DLG2: variants seen among roughly 807,000 people sequenced by gnomAD.
DLG2 encodes discs large MAGUK scaffold protein 2.
DLG2 carries 45 observed loss-of-function variants against 132.5 expected under a neutral mutation model. The observed-to-expected ratio is 0.34, with a 90% CI of 0.27 to 0.44. DLG2 has a LOEUF of 0.44. Ranked by LOEUF, DLG2 falls within the 20% of genes least tolerant of loss-of-function variation. The pLI, the probability that DLG2 is intolerant of heterozygous loss-of-function variation, is 1.00. For missense variants in DLG2, 1,045 were observed against 1,196.9 expected, an observed-to-expected ratio of 0.87 and a Z score of 1.87; for synonymous variants, 424 against 419.6, an observed-to-expected ratio of 1.01 and a Z score of -0.13.
chr11:84,914,003 G>C (rs2092295163), intron 6 of DLG2, among the ~76,000 whole-genome samples: 1 of 152,120 alleles, frequency 6.6e-6, no homozygotes, highest in Admixed American at 6.5e-5. Context: ...CTTTGGGCCA[G>C]TTTCCTCTTC....
At chr11:84,323,493 A>G (rs1449300120) in intron 7 of DLG2, among the ~76,000 whole-genome samples, 3 of 152,180 alleles carry the variant, frequency 2.0e-5, no homozygotes, top group African/African-American at 7.2e-5. Context: ...AATAATGCTC[A>G]ATGAACATGA....
intron 3 of DLG2, among the ~76,000 whole-genome samples, chr11:85,343,726 T>C (rs2082652489): frequency 2.0e-5 from 3 of 152,194 alleles, no homozygotes; most frequent in South Asian, 4.1e-4. Context: ...AAGAGAGTGA[T>C]GATGTATGGT....
At chr11:85,076,968 T>G (rs554844091) in intron 6 of DLG2, among the ~76,000 whole-genome samples, 3 of 152,156 alleles carry the variant, frequency 2.0e-5, no homozygotes, top group Non-Finnish European at 4.4e-5. Flanking sequence ...TACATATATT[T>G]ATTTAGTGTT....
rs185363889 is a variant in DLG2, at chr11:85,423,673, G to T, written c.41-138308C>A. On this transcript the variant is annotated intron_variant, in intron 3 of 27. Transcript: ENST00000376104. Reference sequence around the variant, plus strand: ...TTATGTTCCTAGGAGGATTATGACTGTCTCTACTGTGCTATGCAGGTTGTC... The same window carrying T: ...TTATGTTCCTAGGAGGATTATGACTTTCTCTACTGTGCTATGCAGGTTGTC... 1.3e-4 allele frequency among the ~76,000 whole-genome samples: 20 copies of T among 152,234 alleles called. 1 individual carries two copies. Among genetic ancestry groups the T allele is most frequent in the African/African-American group, 4.1e-4 (17 of 41,546 alleles).
At chr11:85,122,918 A>T (rs1292742433) in intron 5 of DLG2, among the ~76,000 whole-genome samples, 1 of 131,580 alleles carries the variant, frequency 7.6e-6, no homozygotes, top group African/African-American at 2.9e-5. Flanking sequence ...ATTTATACAC[A>T]CACATGCATG....
chr11:85,275,911 G>GA lies in DLG2; in HGVS notation c.186+9308dup, dbSNP rs113976710. Among the ~76,000 whole-genome samples, 743 of 149,034 alleles carry GA rather than the reference G, an allele frequency of 5.0e-3. 10 individuals carry two copies. Among genetic ancestry groups the GA allele is most frequent in the African/African-American group, 0.016 (646 of 40,700 alleles). On this transcript the variant is annotated intron_variant, in intron 4 of 27. Coordinates refer to ENST00000376104, the MANE Select transcript of DLG2 (RefSeq NM_001142699.3). ...GTAGAAAATACGAAGCTCCCCAAGGGAAAAAAAAAAATGCTTACTGATTCT... is the reference window on the plus strand; with the variant it reads ...GTAGAAAATACGAAGCTCCCCAAGGGAAAAAAAAAAAATGCTTACTGATTCT...
intron 11 of DLG2, among the ~76,000 whole-genome samples, chr11:84,050,027 G>T (rs1225635247): frequency 6.6e-6 from 1 of 151,786 alleles, no homozygotes; most frequent in Non-Finnish European, 1.5e-5. Context: ...CAGCTCACCT[G>T]CATCAGGAGA....
At chr11:83,487,394 C>A (rs2093587178) in intron 21 of DLG2, among the ~76,000 whole-genome samples, 1 of 152,034 alleles carries the variant, frequency 6.6e-6, no homozygotes, top group Admixed American at 6.6e-5. Flanking sequence ...AGTTAATCTC[C>A]ATGCTAACTT....
chr11:84,216,550 G>A (rs2096837987), intron 8 of DLG2, among the ~76,000 whole-genome samples: 1 of 152,284 alleles, frequency 6.6e-6, no homozygotes, highest in Middle Eastern at 3.4e-3. Context: ...GGGTTGGGAT[G>A]AGTGATGAAT....
At chr11:85,379,795 T>G (rs184954245) in intron 3 of DLG2, among the ~76,000 whole-genome samples, 10 of 152,328 alleles carry the variant, frequency 6.6e-5, no homozygotes, top group Admixed American at 6.5e-4. Context: ...ATGTAAGATA[T>G]GAAGGAGTTC....
At chr11:84,893,832 A>G (rs1049327473) in intron 6 of DLG2, among the ~76,000 whole-genome samples, 4 of 152,210 alleles carry the variant, frequency 2.6e-5, no homozygotes, top group African/African-American at 9.6e-5. Context: ...TAGTCAATTA[A>G]TAAGTATTTA....
At chr11:85,285,146 C>T in intron 4 of DLG2, 74 bp downstream of exon 4, 1 of 1,292,466 alleles carries the variant, frequency 7.7e-7, no homozygotes, top group Non-Finnish European at 1.1e-6. Context: ...TAATAATCAC[C>T]ACTACTACCA....
At chr11:85,006,654 T>C (rs1197149284) in intron 6 of DLG2, among the ~76,000 whole-genome samples, 1 of 152,192 alleles carries the variant, frequency 6.6e-6, no homozygotes, top group Non-Finnish European at 1.5e-5. Flanking sequence ...CTATCTATTA[T>C]GTTGATCTTT....
intron 6 of DLG2, among the ~76,000 whole-genome samples, chr11:84,623,095 C>T (rs1221889678): frequency 6.6e-6 from 1 of 152,120 alleles, no homozygotes. Context: ...AGTACTATCC[C>T]AAACACCACC....
At chr11:85,204,777 A>T (rs1484347403) in intron 4 of DLG2, among the ~76,000 whole-genome samples, 1 of 152,192 alleles carries the variant, frequency 6.6e-6, no homozygotes, top group Non-Finnish European at 1.5e-5. Flanking sequence ...CCTGACTTCA[A>T]ACTGTACTAC....
At chr11:84,769,120 C>T (rs1331259265) in intron 6 of DLG2, among the ~76,000 whole-genome samples, 1 of 152,028 alleles carries the variant, frequency 6.6e-6, no homozygotes, top group Non-Finnish European at 1.5e-5. Flanking sequence ...CCTATTAGCC[C>T]TCCAGCAATG....
chr11:85,232,784 C>T (rs1214141022), intron 4 of DLG2, among the ~76,000 whole-genome samples: 1 of 151,850 alleles, frequency 6.6e-6, no homozygotes, highest in Non-Finnish European at 1.5e-5. Flanking sequence ...ATCTAAATTA[C>T]CTTAATTTTT....
intron 9 of DLG2, among the ~76,000 whole-genome samples, chr11:84,158,320 C>T (rs930758039): frequency 6.6e-6 from 1 of 152,164 alleles, no homozygotes; most frequent in African/African-American, 2.4e-5. Flanking sequence ...AGCTTGGCCT[C>T]CCAAAGGGCT....
chr11:84,486,579 G>A (rs553500001), intron 7 of DLG2, among the ~76,000 whole-genome samples: 4 of 152,162 alleles, frequency 2.6e-5, no homozygotes, highest in Admixed American at 2.6e-4. Flanking sequence ...ATTGGAAATA[G>A]GTGTGAAAAT....
Sources: gnomAD v4.1 joint callset for allele counts (sites outside exome capture counted in the v4.1 genomes callset) on GRCh38, gnomAD v4.1.1 for gene constraint, MANE v1.5 for transcripts, NCBI Gene and HGNC (gene_info 2026-07-23, HGNC 2026-07-21) for gene names.